The following PTPRG variants were observed in gnomAD, a reference collection of about 807,000 sequenced individuals.
PTPRG encodes the protein receptor-type tyrosine-protein phosphatase gamma.
PTPRG carries 102 observed loss-of-function variants against 165.3 expected under a neutral mutation model. The ratio of observed to expected loss-of-function variants is 0.62; its 90% CI spans 0.53 to 0.73. PTPRG has a LOEUF of 0.73. Ranked by LOEUF, PTPRG falls within the 30% of genes least tolerant of loss-of-function variation. The pLI is 0.00. For missense variants in PTPRG, 1,866 were observed against 1,861.4 expected, an observed-to-expected ratio of 1.00 and a Z score of -0.05; for synonymous variants, 675 against 669.5, an observed-to-expected ratio of 1.01 and a Z score of -0.13.
chr3:61,787,416 C>G (rs984000707), intron 2 of PTPRG, among the ~76,000 whole-genome samples: 1 of 152,190 alleles, frequency 6.6e-6, no homozygotes, highest in African/African-American at 2.4e-5. Flanking sequence ...CACATTGCCT[C>G]TGTTTGAAAA....
In PTPRG at chr3:62,271,532, G is replaced by A. The variant is rs1213298533; in HGVS notation, c.3159G>A (p.Thr1053=). The change falls in exon 21 of 30, where the codon ACG becomes ACA. Residue 1053 remains threonine (T), a synonymous_variant. Coordinates refer to ENST00000474889, the MANE Select transcript of PTPRG (RefSeq NM_002841.4). This position sits in a 1 kb window ranked among gnomAD's most constrained non-coding sequence, Gnocchi z 4.1. ...CCTCAGCAGCTCGGATGCCAGAAAC[G>A]GGCCCTGTGTTGGTGCACTGCAGGT... ...RRSSAARMPE[T]GPVLVHCSAG... is the part of the protein sequence containing the mutation. 12 of 1,613,420 alleles carry A rather than the reference G, an allele frequency of 7.4e-6. No homozygotes were observed. The highest frequency in any genetic ancestry group is 1.6e-4 in the Middle Eastern group (1 of 6,070).
At chr3:61,829,024 A>G (rs917204520) in intron 2 of PTPRG, among the ~76,000 whole-genome samples, 4 of 152,170 alleles carry the variant, frequency 2.6e-5, no homozygotes, top group African/African-American at 7.2e-5. Context: ...ATAGATATAT[A>G]TCCTTAGCAC....
intron 8 of PTPRG, among the ~76,000 whole-genome samples, chr3:62,181,842 A>G (rs1705664137): frequency 1.3e-5 from 2 of 152,224 alleles, no homozygotes; most frequent in African/African-American, 4.8e-5. Flanking sequence ...TAATGTTGAT[A>G]TAATGATGAA....
At chr3:61,811,387 A>C (rs1436418865) in intron 2 of PTPRG, among the ~76,000 whole-genome samples, 1 of 152,218 alleles carries the variant, frequency 6.6e-6, no homozygotes, top group Admixed American at 6.5e-5. Context: ...GTTCAATACC[A>C]AAATCCTTTT....
chr3:62,278,670 T>C (rs954856423), intron 26 of PTPRG, among the ~76,000 whole-genome samples: 1 of 152,058 alleles, frequency 6.6e-6, no homozygotes, highest in Non-Finnish European at 1.5e-5. Context: ...GCCCAGTCAG[T>C]AGGAACTTCT....
chr3:62,055,067 CCT>C (rs1700590605), intron 4 of PTPRG, among the ~76,000 whole-genome samples: 1 of 152,118 alleles, frequency 6.6e-6, no homozygotes, highest in Admixed American at 6.5e-5. Context: ...CTCAAGTTTT[CCT>C]GCTTCTGGTT....
At chr3:61,657,856 G>C (rs939102) in intron 1 of PTPRG, among the ~76,000 whole-genome samples, 1 of 152,164 alleles carries the variant, frequency 6.6e-6, no homozygotes, top group Non-Finnish European at 1.5e-5. Context: ...TAAGTTGATC[G>C]ATAGCAGGCA....
chr3:61,905,477 T>A (rs2038620218), intron 2 of PTPRG, among the ~76,000 whole-genome samples: 1 of 152,238 alleles, frequency 6.6e-6, no homozygotes, highest in Non-Finnish European at 1.5e-5. Context: ...CAAAACTTCA[T>A]GTGCTGTATT....
chr3:62,262,993 A>G, intron 17 of PTPRG, 99 bp downstream of exon 17: 4 of 840,628 alleles, frequency 4.8e-6, no homozygotes, highest in Non-Finnish European at 1.9e-6. Flanking sequence ...GGATGCCAAG[A>G]AAGAATGATT....
In PTPRG at chr3:61,788,654, A is replaced by G. The variant is rs565181747; in HGVS notation, c.190+39672A>G. Among the ~76,000 whole-genome samples the G allele has an allele frequency of 2.0e-5, 3 of 152,348 alleles. No individual in the cohort carries two copies. In the East Asian group the frequency reaches 5.8e-4, roughly 29 times the overall value. On this transcript the variant is annotated intron_variant, in intron 2 of 29. Coordinates refer to ENST00000474889, the MANE Select transcript of PTPRG (RefSeq NM_002841.4). ...TTCACAGATCACTGGAGTTCTAGCTACAGTTTGTTCTAGACCAGAGGTTGC... is the reference window on the plus strand; with the variant it reads ...TTCACAGATCACTGGAGTTCTAGCTGCAGTTTGTTCTAGACCAGAGGTTGC...
chr3:61,833,785 G>T (rs967302652), intron 2 of PTPRG, among the ~76,000 whole-genome samples: 1 of 152,072 alleles, frequency 6.6e-6, no homozygotes, highest in African/African-American at 2.4e-5. Flanking sequence ...GGCTGGTTTC[G>T]AACTCCTGAG....
chr3:61,959,230 A>G (rs1268521661), intron 2 of PTPRG, among the ~76,000 whole-genome samples: 1 of 152,196 alleles, frequency 6.6e-6, no homozygotes, highest in Non-Finnish European at 1.5e-5. Context: ...CTCTGGGTCA[A>G]GAGTCCACCT....
intron 3 of PTPRG, among the ~76,000 whole-genome samples, 183 bp downstream of exon 3, chr3:61,989,987 G>C (rs1014776488): frequency 6.6e-6 from 1 of 151,822 alleles, no homozygotes; most frequent in Non-Finnish European, 1.5e-5. Context: ...TAATCACCCT[G>C]TGTCTTCATT....
intron 2 of PTPRG, among the ~76,000 whole-genome samples, chr3:61,786,892 G>T (rs1469732626): frequency 6.6e-6 from 1 of 152,156 alleles, no homozygotes; most frequent in South Asian, 2.1e-4. Flanking sequence ...AAGACAAAGA[G>T]AAAATAGATG....
chr3:61,621,537 C>T (rs1258428474), intron 1 of PTPRG, among the ~76,000 whole-genome samples: 1 of 152,186 alleles, frequency 6.6e-6, no homozygotes, highest in Non-Finnish European at 1.5e-5. Flanking sequence ...TTCATCTCAG[C>T]AATTTTGTTT....
chr3:62,289,319 A>G (rs2148900870), intron 28 of PTPRG, among the ~76,000 whole-genome samples: 1 of 152,358 alleles, frequency 6.6e-6, no homozygotes, highest in Non-Finnish European at 1.5e-5. Flanking sequence ...GTGATCACTA[A>G]GAACTGAATA....
intron 2 of PTPRG, among the ~76,000 whole-genome samples, chr3:61,816,320 A>C (rs985224153): frequency 7.2e-5 from 11 of 152,182 alleles, no homozygotes; most frequent in African/African-American, 2.7e-4. Flanking sequence ...ACTTGAGGTT[A>C]GGAGTTTGAG....
chr3:61,591,738 T>C (rs1195080578), intron 1 of PTPRG, among the ~76,000 whole-genome samples: 2 of 152,078 alleles, frequency 1.3e-5, no homozygotes, highest in African/African-American at 2.4e-5. Context: ...TGAAGCACTA[T>C]GTATAGTGGT....
intron 2 of PTPRG, among the ~76,000 whole-genome samples, chr3:61,789,884 G>A (rs1037412743): frequency 6.6e-6 from 1 of 152,110 alleles, no homozygotes; most frequent in Non-Finnish European, 1.5e-5. Context: ...TCTAATCTGG[G>A]GACAGTAAAT....
Sources: allele counts gnomAD v4.1 joint callset (sites outside exome capture counted in the v4.1 genomes callset), GRCh38; gene constraint gnomAD v4.1.1; non-coding constraint Gnocchi (gnomAD v3.1); transcripts MANE v1.5; gene names NCBI Gene and HGNC (gene_info 2026-07-23, HGNC 2026-07-21).